The following DMD variants were observed in gnomAD, a reference collection of about 807,000 sequenced individuals.
DMD encodes the protein dystrophin.
DMD carries 63 observed loss-of-function variants against 330.1 expected under a neutral mutation model. The observed-to-expected ratio is 0.19, with a 90% CI of 0.16 to 0.24. The LOEUF is 0.24. DMD is among the 10% of genes least tolerant of loss of function. DMD has a pLI of 1.00. For missense variants in DMD, 3,344 were observed against 2,684.1 expected (o/e 1.25, Z -5.43); for synonymous variants, 1,223 against 959.8 (o/e 1.27, Z -5.07).
chrX:32,844,335 G>A (rs1389920894), intron 4 of DMD, among the ~76,000 whole-genome samples: 1 of 107,258 alleles, frequency 9.3e-6, no homozygotes, highest in Non-Finnish European at 1.9e-5. Flanking sequence ...AAACCTGGAA[G>A]GCAGAGTTTG....
At chrX:31,353,223 T>A (rs1417342902) in intron 60 of DMD, among the ~76,000 whole-genome samples, 2 of 111,002 alleles carry the variant, frequency 1.8e-5, no homozygotes, top group Non-Finnish European at 3.8e-5. Context: ...ATACAATTAG[T>A]TAGTCATGTT....
chrX:32,832,419 G>A (rs2079226548), intron 4 of DMD, among the ~76,000 whole-genome samples: 1 of 110,457 alleles, frequency 9.1e-6, no homozygotes, highest in South Asian at 3.8e-4. Flanking sequence ...CCATCTATTT[G>A]GTTCTTTCAT....
intron 11 of DMD, among the ~76,000 whole-genome samples, chrX:32,616,713 TTTCTTTA>T (rs2057602719): frequency 2.3e-5 from 2 of 86,600 alleles, no homozygotes; most frequent in African/African-American, 1.3e-4. Context: ...TTTTTTTTTT[TTTCTTTA>T]AAGAATGTTA....
At chrX:32,690,715 G>A (rs1016667357) in intron 9 of DMD, among the ~76,000 whole-genome samples, 1 of 111,392 alleles carries the variant, frequency 9.0e-6, no homozygotes, top group Admixed American at 9.6e-5. Context: ...GATGTTCCAC[G>A]ATAGAGCCAA....
intron 1 of DMD, 106 bp from the exon 2 acceptor site, chrX:33,020,306 A>G: frequency 1.9e-6 from 1 of 539,944 alleles, no homozygotes; most frequent in Non-Finnish European, 3.1e-6. Flanking sequence ...GTTTTTTTAC[A>G]TTTAGTATTA....
intron 9 of DMD, among the ~76,000 whole-genome samples, chrX:32,645,801 C>A (rs910654253): frequency 8.9e-6 from 1 of 112,253 alleles, no homozygotes; most frequent in Admixed American, 9.5e-5. Context: ...GTATGCTTTA[C>A]CCAATTTAAT....
chrX:32,935,744 A>T (rs926776011), intron 2 of DMD, among the ~76,000 whole-genome samples: 10 of 111,241 alleles, frequency 9.0e-5, no homozygotes, highest in African/African-American at 3.3e-4. Context: ...AAAAAAAAAC[A>T]ATTCTATCTC....
At chrX:32,791,868 C>G (rs2075847091) in intron 7 of DMD, among the ~76,000 whole-genome samples, 1 of 110,631 alleles carries the variant, frequency 9.0e-6, no homozygotes, top group South Asian at 3.7e-4. Context: ...ATTTAGACAT[C>G]CAGATACAGG....
At chrX:33,122,438 G>A (rs1169577299) in intron 1 of DMD, among the ~76,000 whole-genome samples, 1 of 111,374 alleles carries the variant, frequency 9.0e-6, no homozygotes, top group African/African-American at 3.3e-5. Flanking sequence ...TAATTACATG[G>A]CAGAATTTCT....
chrX:32,926,281 G>A (rs1031953900), intron 2 of DMD, among the ~76,000 whole-genome samples: 4 of 111,953 alleles, frequency 3.6e-5, no homozygotes, highest in Non-Finnish European at 7.5e-5. Flanking sequence ...TAGAATAGTG[G>A]TTACCAGAGA....
rs192271318 is a variant in DMD, at chrX:33,235,987, C to T, written c.7+103272G>A. On this transcript the variant is annotated intron_variant, in intron 1 of 17. Coordinates refer to the DMD transcript ENST00000288447. ...CTGGAGTGCAGTGGCGCGATCTCGG[C>T]TCACTGCAAGCTCCGCCTCCCGGGT... Among the ~76,000 whole-genome samples the T allele has an allele frequency of 3.1e-3, 324 of 105,254 alleles. 2 individuals carry two copies. The highest frequency in any genetic ancestry group is 9.9e-3 in the African/African-American group (288 of 29,153). 91.4% of individuals were successfully genotyped at this position (105,254 alleles called of 115,157 possible).
At chrX:31,544,062 G>A (rs2074000047) in intron 55 of DMD, among the ~76,000 whole-genome samples, 1 of 111,243 alleles carries the variant, frequency 9.0e-6, no homozygotes, top group Non-Finnish European at 1.9e-5. Context: ...TATGCGGCTG[G>A]GTGCGGTGGC....
At position 32,128,459 on chromosome X, in the gene DMD, A is replaced by G. The variant is rs910840055; in HGVS notation, c.6438+88457T>C. On this transcript the variant is annotated intron_variant, in intron 44 of 78. Transcript: ENST00000357033. ...GAATTAAATCCTAATGATTTGAACT[A>G]TAATTTAAAAAATTATATTCCAAAT... 7.1e-5 allele frequency among the ~76,000 whole-genome samples: 8 copies of G among 112,478 alleles called. No homozygotes were observed. In the Admixed American group the frequency reaches 7.6e-4, roughly 11 times the overall value.
intron 70 of DMD, chrX:31,178,311 CA>C: frequency 1.0e-6 from 1 of 984,286 alleles, no homozygotes; most frequent in Non-Finnish European, 1.3e-6. Flanking sequence ...TACAAAAAGA[CA>C]CACATTTACT....
chrX:32,546,559 C>A (rs2048982552), intron 16 of DMD, among the ~76,000 whole-genome samples: 1 of 111,362 alleles, frequency 9.0e-6, no homozygotes, highest in Non-Finnish European at 1.9e-5. Flanking sequence ...GGAATAAAAT[C>A]TTTTCCATGA....
chrX:32,468,495 T>C lies in DMD; in HGVS notation c.3162+3A>G. 1 of 1,197,372 alleles carries C rather than the reference T, an allele frequency of 8.4e-7. No individual in the cohort carries two copies. Among genetic ancestry groups the C allele is most frequent in the African/African-American group, 1.7e-5 (1 of 57,581 alleles). ...GAGGGTAGAAAGTAAAATCTTGAAT[T>C]ACCTGAATTTTTCGGAGTTTATTCA... On this transcript the variant is annotated splice_donor_region_variant and intron_variant, in intron 23 of 78. Coordinates refer to ENST00000357033, the MANE Select transcript of DMD (RefSeq NM_004006.3).
At chrX:32,087,382 T>C (rs1004536343) in intron 44 of DMD, among the ~76,000 whole-genome samples, 1 of 111,771 alleles carries the variant, frequency 8.9e-6, no homozygotes, top group Non-Finnish European at 1.9e-5. Flanking sequence ...TTTCTGCAGC[T>C]TATTAAGTTA....
At chrX:32,376,533 T>C (rs906731590) in intron 34 of DMD, among the ~76,000 whole-genome samples, 11 of 110,923 alleles carry the variant, frequency 9.9e-5, no homozygotes, top group Non-Finnish European at 2.1e-4. Context: ...TATGGCCCTA[T>C]AAATAGGCGA....
At chrX:33,335,243 A>AATATATAC (rs1028815567) in intron 1 of DMD, among the ~76,000 whole-genome samples, 5 of 110,334 alleles carry the variant, frequency 4.5e-5, no homozygotes, top group African/African-American at 1.6e-4. Flanking sequence ...TACCACATAT[A>AATATATAC]ATATATACAT....
Sources: gnomAD v4.1 joint callset for allele counts (sites outside exome capture counted in the v4.1 genomes callset) on GRCh38, gnomAD v4.1.1 for gene constraint, MANE v1.5 for transcripts, NCBI Gene and HGNC (gene_info 2026-07-23, HGNC 2026-07-21) for gene names.